SHROOM2: variants seen among roughly 807,000 people sequenced by gnomAD.
SHROOM2 encodes the protein protein Shroom2.
In SHROOM2, 33 loss-of-function variants were observed where a neutral mutation model predicts 75.9. That is an observed-to-expected ratio of 0.43 (90% CI 0.33 to 0.58). The LOEUF is 0.58. Among genes scored for constraint, SHROOM2 ranks in the 20% least tolerant of loss-of-function variants. The pLI is 0.04. For synonymous variants in SHROOM2, 655 were observed against 663.6 expected (o/e 0.99, Z 0.20); for missense variants, 1,434 against 1,461.2 (o/e 0.98, Z 0.30).
chrX:9,912,969 TG>T (rs2084444610), intron 5 of SHROOM2: 1 of 112,150 alleles, frequency 8.9e-6, no homozygotes, highest in Admixed American at 9.4e-5. Flanking sequence ...ACATTGGAAC[TG>T]GAAGGCGGTG....
rs180774745 is a variant in SHROOM2, at chrX:9,832,700, G to A, written c.166-40952G>A. ...TCACTTGCAGGTCAATGTGTCCTGGGGCTTGCTTGTTGAACACTAACGTGT... is the reference window on the plus strand; with the variant it reads ...TCACTTGCAGGTCAATGTGTCCTGGAGCTTGCTTGTTGAACACTAACGTGT... On this transcript the variant is annotated intron_variant, in intron 1 of 9. Transcript: ENST00000380913. Among the ~76,000 whole-genome samples, 402 of 102,530 alleles carry A rather than the reference G, an allele frequency of 3.9e-3. 1 individual carries two copies. The highest frequency in any genetic ancestry group is 0.014 in the African/African-American group (384 of 28,227). 89.0% of individuals were successfully genotyped at this position (102,530 alleles called of 115,157 possible).
intron 2 of SHROOM2, among the ~76,000 whole-genome samples, chrX:9,875,582 TAGTC>T (rs1344043814): frequency 8.9e-6 from 1 of 111,974 alleles, no homozygotes; most frequent in Non-Finnish European, 1.9e-5. Context: ...GACACCAGCT[TAGTC>T]AGCATAGCTG....
intron 1 of SHROOM2, among the ~76,000 whole-genome samples, chrX:9,789,252 C>CT (rs2083633989): frequency 9.0e-6 from 1 of 111,715 alleles, no homozygotes; most frequent in African/African-American, 3.3e-5. Context: ...ACTGACTACT[C>CT]TCTGGGTCTA....
intron 1 of SHROOM2, among the ~76,000 whole-genome samples, chrX:9,815,432 T>TTG (rs1170879447): frequency 1.7e-4 from 8 of 48,388 alleles, no homozygotes; most frequent in African/African-American, 4.5e-4. Context: ...GATATACATA[T>TTG]TATGTGTGTG....
intron 5 of SHROOM2, among the ~76,000 whole-genome samples, chrX:9,928,867 A>T (rs1323881050): frequency 1.8e-5 from 2 of 112,557 alleles, no homozygotes; most frequent in Non-Finnish European, 3.8e-5. Flanking sequence ...ATCTATGCAG[A>T]GATATACATC....
chrX:9,867,573 T>G (rs2084147441), intron 1 of SHROOM2, among the ~76,000 whole-genome samples: 1 of 111,658 alleles, frequency 9.0e-6, no homozygotes, highest in African/African-American at 3.3e-5. Flanking sequence ...ATGAGCATCA[T>G]TGTGATGCTA....
intron 2 of SHROOM2, among the ~76,000 whole-genome samples, chrX:9,880,716 C>G (rs752246539): frequency 3.3e-4 from 37 of 111,521 alleles, no homozygotes; most frequent in African/African-American, 1.1e-3. Context: ...GTAACAAAAG[C>G]CTGTTTTTTT....
chrX:9,843,069 G>C (rs1041001623), intron 1 of SHROOM2, among the ~76,000 whole-genome samples: 1 of 111,985 alleles, frequency 8.9e-6, no homozygotes, highest in African/African-American at 3.2e-5. Context: ...GTTTGCATTT[G>C]TCCTATGCAC....
intron 5 of SHROOM2, among the ~76,000 whole-genome samples, chrX:9,921,115 A>T (rs2084540584): frequency 9.0e-6 from 1 of 111,054 alleles, no homozygotes; most frequent in South Asian, 3.8e-4. Context: ...TGTTGGCAGG[A>T]GGCCTCAGTT....
intron 6 of SHROOM2, 88 bp from the exon 7 acceptor site, chrX:9,937,046 C>T: frequency 1.0e-6 from 1 of 960,454 alleles, no homozygotes; most frequent in Non-Finnish European, 1.4e-6. Context: ...AGTCAGGTTC[C>T]CATCCAGAGG....
chrX:9,839,282 G>GT (rs201195615), intron 1 of SHROOM2, among the ~76,000 whole-genome samples: 2,676 of 111,231 alleles, frequency 0.024, 79 homozygotes, highest in African/African-American at 0.084. Flanking sequence ...GCAGAGACGC[G>GT]TTTTTTTACC....
chrX:9,792,925 G>C (rs1215629921), intron 1 of SHROOM2, among the ~76,000 whole-genome samples: 3 of 111,121 alleles, frequency 2.7e-5, no homozygotes, highest in Non-Finnish European at 5.7e-5. Flanking sequence ...AGCCAGGCTG[G>C]TCTCTAACTC....
chrX:9,900,418 A>G (rs1236931268), intron 5 of SHROOM2, among the ~76,000 whole-genome samples: 1 of 112,427 alleles, frequency 8.9e-6, no homozygotes, highest in Non-Finnish European at 1.9e-5. Context: ...AGGTTTGAAG[A>G]TACCCAGTGT....
rs2083772720 is a variant in SHROOM2, at chrX:9,808,731, A to G, written c.165+22021A>G. On this transcript the variant is annotated intron_variant, in intron 1 of 9. Coordinates refer to ENST00000380913, the MANE Select transcript of SHROOM2 (RefSeq NM_001649.4). ...ACAAAAATTAGCCAGGCGTGGTATC[A>G]GGCGCCTATAATCCCAGCTACTCGG... 2.7e-5 allele frequency among the ~76,000 whole-genome samples: 3 copies of G among 110,063 alleles called. No homozygotes were observed. In the South Asian group the frequency reaches 1.2e-3, roughly 44 times the overall value.
intron 1 of SHROOM2, among the ~76,000 whole-genome samples, chrX:9,790,003 T>G (rs2083638778): frequency 8.9e-6 from 1 of 112,338 alleles, no homozygotes; most frequent in African/African-American, 3.2e-5. Context: ...ACCCCAGGGC[T>G]TCAGACTCTG....
intron 1 of SHROOM2, among the ~76,000 whole-genome samples, chrX:9,789,599 G>C (rs1375954724): frequency 1.8e-5 from 2 of 111,165 alleles, no homozygotes; most frequent in East Asian, 2.8e-4. Flanking sequence ...GTCTTCAGTG[G>C]GGGGAGGGGA....
intron 1 of SHROOM2, among the ~76,000 whole-genome samples, chrX:9,823,166 T>TCC (rs2083868366): frequency 5.9e-5 from 1 of 16,996 alleles, no homozygotes; most frequent in Non-Finnish European, 1.4e-4. Flanking sequence ...CTTCTTCTTT[T>TCC]CTTCTTCTTC....
At chrX:9,935,504 C>G (rs1196660981) in intron 6 of SHROOM2, among the ~76,000 whole-genome samples, 3 of 110,690 alleles carry the variant, frequency 2.7e-5, no homozygotes, top group Non-Finnish European at 5.7e-5. Context: ...TAAGTCTGAC[C>G]TATCTAAATG....
In SHROOM2 at chrX:9,937,313, T is replaced by C; in HGVS notation, c.3767T>C (p.Phe1256Ser). The C allele has an allele frequency of 8.3e-7, 1 of 1,208,231 alleles. No individual in the cohort carries two copies. The highest frequency in any genetic ancestry group is 1.1e-6 in the Non-Finnish European group (1 of 893,897). The change falls in exon 7 of 10, where the codon TTC becomes TCC. Residue 1256 changes from phenylalanine to serine, a missense_variant. By Grantham distance (155) the Phe-to-Ser change is radical. This residue lies in a region of SHROOM2 where 1,340 missense variants were observed against 1,338.3 expected (regional missense o/e 1.00). Transcript: ENST00000380913. ...QIKTLSTSEQ[F>S]YSRFCLYTRQ... The stretch of plus-strand genomic sequence containing the variant: ...AAGACGCTGAGCACATCTGAGCAGT[T>C]CTACTCGCGCTTCTGTCTGTACACG...
Sources: allele counts gnomAD v4.1 joint callset (sites outside exome capture counted in the v4.1 genomes callset), GRCh38; gene constraint gnomAD v4.1.1; regional missense constraint gnomAD v4.1.1; transcripts MANE v1.5; gene names NCBI Gene and HGNC (gene_info 2026-07-23, HGNC 2026-07-21).